Variants in SMOC2 observed in about 807,000 individuals in gnomAD.
The protein encoded by SMOC2 is SPARC related modular calcium binding 2.
SMOC2 carries 39 observed loss-of-function variants against 61.4 expected under a neutral mutation model. The ratio of observed to expected loss-of-function variants is 0.64; its 90% CI spans 0.49 to 0.83. The LOEUF is 0.83. Ranked by LOEUF, SMOC2 falls within the 40% of genes least tolerant of loss-of-function variation. SMOC2 has a pLI of 0.00. For synonymous variants in SMOC2, 247 were observed against 239.9 expected, an observed-to-expected ratio of 1.03 and a Z score of -0.27; for missense variants, 556 against 592.9, an observed-to-expected ratio of 0.94 and a Z score of 0.65.
chr6:168,606,362 A>C (rs900036544), intron 8 of SMOC2, among the ~76,000 whole-genome samples: 2 of 152,150 alleles, frequency 1.3e-5, no homozygotes, highest in Admixed American at 6.5e-5. Flanking sequence ...TTTAATTTCA[A>C]AAACAATATT....
intron 1 of SMOC2, among the ~76,000 whole-genome samples, chr6:168,500,504 C>T (rs1038169050): frequency 6.6e-6 from 1 of 152,050 alleles, no homozygotes. Context: ...GTTCTAGGGT[C>T]TCCGCGTGGT....
intron 9 of SMOC2, among the ~76,000 whole-genome samples, chr6:168,614,061 C>T (rs1278206090): frequency 9.5e-6 from 1 of 105,416 alleles, no homozygotes; most frequent in Non-Finnish European, 2.0e-5. Context: ...AGCAGGGGGC[C>T]TCTTCACACC....
At chr6:168,526,286 A>G (rs978565605) in intron 2 of SMOC2, 60 bp from the exon 3 acceptor site, 12 of 1,458,840 alleles carry the variant, frequency 8.2e-6, no homozygotes, top group Admixed American at 3.4e-5. Context: ...CAATGTTCCT[A>G]TATCTGTTCT....
chr6:168,529,721 A>C (rs146777832), intron 4 of SMOC2, among the ~76,000 whole-genome samples: 3 of 152,198 alleles, frequency 2.0e-5, no homozygotes, highest in Non-Finnish European at 4.4e-5. Flanking sequence ...CCCCCCAAAC[A>C]CAGAGAATTT....
chr6:168,552,066 A>G (rs2115110437), intron 7 of SMOC2, among the ~76,000 whole-genome samples: 1 of 152,372 alleles, frequency 6.6e-6, no homozygotes, highest in East Asian at 1.9e-4. Context: ...GTTGATTTAC[A>G]GACACGGGGC....
At chr6:168,551,107 A>G (rs2115109201) in intron 7 of SMOC2, among the ~76,000 whole-genome samples, 1 of 152,200 alleles carries the variant, frequency 6.6e-6, no homozygotes, top group Non-Finnish European at 1.5e-5. Flanking sequence ...TTCTCACGAG[A>G]TCTGGTGGTT....
At position 168,529,574 on chromosome 6, in the gene SMOC2, C is replaced by T. The variant is rs183546575; in HGVS notation, c.463+1847C>T. Among the ~76,000 whole-genome samples the T allele has an allele frequency of 2.7e-3, 412 of 152,188 alleles. 1 individual carries two copies. The highest frequency in any genetic ancestry group is 9.3e-3 in the African/African-American group (387 of 41,448). ...CTGGCTGTGTTCCAGGCTTCCCCTC[C>T]GCACACATGTGGGCACGGCGGAGCC... On this transcript the variant is annotated intron_variant, in intron 4 of 12. Coordinates refer to ENST00000356284, the MANE Select transcript of SMOC2 (RefSeq NM_001166412.2).
intron 2 of SMOC2, among the ~76,000 whole-genome samples, chr6:168,517,236 G>A (rs931227319): frequency 2.0e-5 from 3 of 152,238 alleles, no homozygotes; most frequent in Admixed American, 1.3e-4. Flanking sequence ...GGCATTCTCT[G>A]TAGCTTCTGC....
chr6:168,515,452 G>A (rs1037451151), intron 2 of SMOC2, among the ~76,000 whole-genome samples: 4 of 28,008 alleles, frequency 1.4e-4, no homozygotes, highest in East Asian at 0.05. Flanking sequence ...GGCTCCGTCC[G>A]CTTTCCGCTC....
At chr6:168,583,292 C>T (rs558390170) in intron 7 of SMOC2, among the ~76,000 whole-genome samples, 5 of 150,928 alleles carry the variant, frequency 3.3e-5, no homozygotes, top group African/African-American at 7.3e-5. Flanking sequence ...CCAGTGGGCT[C>T]GGCCCTGCCC....
chr6:168,646,625 C>G (rs1193760087), intron 9 of SMOC2, among the ~76,000 whole-genome samples: 2 of 152,118 alleles, frequency 1.3e-5, no homozygotes, highest in African/African-American at 4.8e-5. Context: ...GAGTGAAAGT[C>G]AAAAATGCTT....
In SMOC2 at chr6:168,527,675, C is replaced by T. The variant is rs766182248; in HGVS notation, c.411C>T (p.Asn137=). 57 of 1,552,480 alleles carry T rather than the reference C, an allele frequency of 3.7e-5. No homozygotes were observed. The highest frequency in any genetic ancestry group is 1.1e-4 in the South Asian group (9 of 84,158). The stretch of plus-strand genomic sequence containing the variant: ...GATACTGCTGGTGCGTCACGCCCAA[C>T]GGGAGGCCCATCAGCGGCACTGCCG... ...YTGYCWCVTP[N]GRPISGTAVA... Residue 137 remains asparagine (N), a synonymous_variant, in exon 4 of 13, where the codon AAC becomes AAT. Transcript: ENST00000356284.
At chr6:168,662,122 G>A (rs1787524560) in intron 11 of SMOC2, among the ~76,000 whole-genome samples, 1 of 152,168 alleles carries the variant, frequency 6.6e-6, no homozygotes, top group Non-Finnish European at 1.5e-5. Flanking sequence ...ATGGGATGAA[G>A]GATACTTCCC....
chr6:168,455,469 A>G (rs943871061), intron 1 of SMOC2, among the ~76,000 whole-genome samples: 15 of 152,192 alleles, frequency 9.9e-5, no homozygotes, highest in African/African-American at 3.6e-4. Context: ...GCGGCCCTCA[A>G]GTCCCGGCTT....
intron 11 of SMOC2, chr6:168,655,336 A>G: frequency 6.6e-6 from 3 of 453,948 alleles, no homozygotes; most frequent in Non-Finnish European, 1.3e-5. Context: ...CAATGGTTAT[A>G]GCAGTTTTAA....
intron 1 of SMOC2, among the ~76,000 whole-genome samples, chr6:168,463,684 G>A (rs116986406): frequency 0.037 from 5,608 of 152,148 alleles, 160 homozygotes; most frequent in South Asian, 0.13. Context: ...GAAACCCTGT[G>A]CTTACAGAGA....
intron 7 of SMOC2, among the ~76,000 whole-genome samples, chr6:168,584,816 C>A (rs1785011171): frequency 6.6e-6 from 1 of 152,274 alleles, no homozygotes; most frequent in South Asian, 2.1e-4. Flanking sequence ...GTGGGAGGAG[C>A]TTTGCCCAGT....
In SMOC2 at chr6:168,457,768, C is replaced by T. The variant is rs190146658; in HGVS notation, c.84+16314C>T. On this transcript the variant is annotated intron_variant, in intron 1 of 12. Transcript: ENST00000356284. The stretch of plus-strand genomic sequence containing the variant: ...CTGCTGAGCAGGATGGCAGGCCCAG[C>T]TCGGCGAAGGCCTGGAATTTTTCCA... Among the ~76,000 whole-genome samples the T allele has an allele frequency of 3.1e-3, 469 of 152,298 alleles. 4 individuals are homozygous for T. The highest frequency in any genetic ancestry group is 0.011 in the African/African-American group (453 of 41,562).
At chr6:168,659,525 G>A (rs79151244) in intron 11 of SMOC2, among the ~76,000 whole-genome samples, 1 of 68,880 alleles carries the variant, frequency 1.5e-5, no homozygotes, top group Non-Finnish European at 3.3e-5. Flanking sequence ...TTGTAGGTTG[G>A]GTGAGGATGG....
Sources: gnomAD v4.1 joint callset for allele counts (sites outside exome capture counted in the v4.1 genomes callset) on GRCh38, gnomAD v4.1.1 for gene constraint, MANE v1.5 for transcripts, NCBI Gene and HGNC (gene_info 2026-07-23, HGNC 2026-07-21) for gene names.